MARCHF1: variants seen among roughly 807,000 people sequenced by gnomAD.
MARCHF1 encodes membrane associated ring-CH-type finger 1.
Under a neutral mutation model 54.2 loss-of-function variants are expected in MARCHF1, and 40 were observed. That is an observed-to-expected ratio of 0.74 (90% CI 0.57 to 0.96). The LOEUF (loss-of-function observed/expected upper bound fraction) is 0.96. MARCHF1 is among the 40% of genes least tolerant of loss of function. MARCHF1 has a pLI of 0.00. For synonymous variants in MARCHF1, 236 were observed against 236.3 expected (o/e 1.00, Z 0.01); for missense variants, 586 against 656.5 (o/e 0.89, Z 1.17).
intron 2 of MARCHF1, among the ~76,000 whole-genome samples, chr4:164,056,787 T>A (rs1754499002): frequency 6.6e-6 from 1 of 152,184 alleles, no homozygotes; most frequent in Non-Finnish European, 1.5e-5. Flanking sequence ...TGGTCTTAGC[T>A]AGTGAAGTCT....
intron 5 of MARCHF1, among the ~76,000 whole-genome samples, chr4:163,616,567 T>A (rs1373099535): frequency 6.6e-6 from 1 of 152,068 alleles, no homozygotes; most frequent in Non-Finnish European, 1.5e-5. Flanking sequence ...TATCTCACTC[T>A]CCTTAGGATG....
chr4:163,907,098 C>T (rs1579383084), intron 3 of MARCHF1, among the ~76,000 whole-genome samples: 1 of 151,836 alleles, frequency 6.6e-6, no homozygotes, highest in Non-Finnish European at 1.5e-5. Flanking sequence ...TACAGAAGTC[C>T]TTTTTCCATA....
chr4:163,890,169 C>T (rs569603390), intron 3 of MARCHF1, among the ~76,000 whole-genome samples: 2 of 151,154 alleles, frequency 1.3e-5, no homozygotes, highest in Non-Finnish European at 1.5e-5. Context: ...CTCCTGACCT[C>T]GTGATCCACC....
At chr4:164,133,274 T>A (rs1027902139) in intron 1 of MARCHF1, among the ~76,000 whole-genome samples, 1 of 152,160 alleles carries the variant, frequency 6.6e-6, no homozygotes, top group Non-Finnish European at 1.5e-5. Context: ...CCAGCTGCTC[T>A]AAAGACTGAG....
chr4:163,652,484 G>A (rs954580311), intron 5 of MARCHF1, among the ~76,000 whole-genome samples: 1 of 151,766 alleles, frequency 6.6e-6, no homozygotes, highest in African/African-American at 2.4e-5. Flanking sequence ...GTTTCTGACT[G>A]TGATGTCTCT....
intron 3 of MARCHF1, among the ~76,000 whole-genome samples, chr4:163,877,047 A>T (rs1030639415): frequency 6.6e-6 from 1 of 152,166 alleles, no homozygotes. Flanking sequence ...AGTAGAAAGT[A>T]GTCCCCAAAT....
chr4:164,121,302 C>T (rs966075419), intron 1 of MARCHF1, among the ~76,000 whole-genome samples: 7 of 151,998 alleles, frequency 4.6e-5, no homozygotes, highest in Admixed American at 4.6e-4. Context: ...CCTGTATTCT[C>T]CATTCTCACG....
At chr4:163,530,212 C>T (rs865845555) in intron 9 of MARCHF1, 2 of 151,892 alleles carry the variant, frequency 1.3e-5, no homozygotes, top group African/African-American at 2.4e-5. Context: ...AAAATAACAG[C>T]GTTACCCTGT....
chr4:163,680,048 C>T (rs1318942469), intron 5 of MARCHF1, among the ~76,000 whole-genome samples: 1 of 149,372 alleles, frequency 6.7e-6, no homozygotes, highest in African/African-American at 2.5e-5. Flanking sequence ...AGGCTTTTCA[C>T]ATTGCTTTCC....
At chr4:164,322,976 T>C (rs573178997) in intron 1 of MARCHF1, among the ~76,000 whole-genome samples, 1 of 152,004 alleles carries the variant, frequency 6.6e-6, no homozygotes, top group South Asian at 2.1e-4. Context: ...ATTTAAAAAA[T>C]AGAATAAATT....
rs70948674 is a variant in MARCHF1 at position 163,899,763 on chromosome 4, T to TACACACACACACAC, written c.-38-45608_-38-45595dup. Among the ~76,000 whole-genome samples the TACACACACACACAC allele has an allele frequency of 2.7e-3, 399 of 148,858 alleles. 2 individuals are homozygous for TACACACACACACAC. Among genetic ancestry groups the TACACACACACACAC allele is most frequent in the African/African-American group, 5.5e-3 (225 of 40,548 alleles). ...TTCATAAACTCCCAGTCTCACCCAC[T>TACACACACACACAC]ACACACACACACACACACACACACA... is the stretch of plus-strand genomic sequence containing the variant. On this transcript the variant is annotated intron_variant, in intron 3 of 9. Transcript: ENST00000514618.
chr4:164,367,034 C>T (rs1161918845), intron 1 of MARCHF1, among the ~76,000 whole-genome samples: 1 of 151,996 alleles, frequency 6.6e-6, no homozygotes, highest in East Asian at 1.9e-4. Flanking sequence ...GTCTAGTTAC[C>T]AAACGGAGAA....
At chr4:163,696,223 A>G (rs1301040296) in intron 5 of MARCHF1, among the ~76,000 whole-genome samples, 1 of 152,206 alleles carries the variant, frequency 6.6e-6, no homozygotes, top group African/African-American at 2.4e-5. Flanking sequence ...TGAATAATAT[A>G]TGGTACAAAG....
At chr4:164,285,536 G>T (rs185777975) in intron 1 of MARCHF1, among the ~76,000 whole-genome samples, 3 of 151,868 alleles carry the variant, frequency 2.0e-5, no homozygotes, top group Non-Finnish European at 4.4e-5. Flanking sequence ...TCCGCCTCCC[G>T]AGTTCACGCC....
intron 5 of MARCHF1, among the ~76,000 whole-genome samples, chr4:163,654,546 A>C (rs950728664): frequency 3.3e-5 from 5 of 151,658 alleles, no homozygotes; most frequent in Non-Finnish European, 5.9e-5. Flanking sequence ...TTATTGGTGC[A>C]TACAATTTAA....
chr4:163,987,166 C>T (rs1752885440), intron 3 of MARCHF1, among the ~76,000 whole-genome samples: 1 of 152,184 alleles, frequency 6.6e-6, no homozygotes, highest in South Asian at 2.1e-4. Flanking sequence ...ATTTCCAAGT[C>T]AAAGGAAACA....
chr4:164,197,490 C>G (rs1290898786), intron 1 of MARCHF1: 1 of 1,613,594 alleles, frequency 6.2e-7, no homozygotes, highest in Non-Finnish European at 8.5e-7. Context: ...CTTCCAGGCC[C>G]CCTGAGACTC....
chr4:163,960,723 G>A (rs1752329205), intron 3 of MARCHF1, among the ~76,000 whole-genome samples: 1 of 151,440 alleles, frequency 6.6e-6, no homozygotes, highest in African/African-American at 2.4e-5. Context: ...TAATACCTGG[G>A]CGATGAAATA....
chr4:164,286,504 A>G (rs1006411180), intron 1 of MARCHF1, among the ~76,000 whole-genome samples: 5 of 151,890 alleles, frequency 3.3e-5, no homozygotes, highest in African/African-American at 1.2e-4. Context: ...GTTTCTTCAG[A>G]AAAAAATATA....
Sources: allele counts gnomAD v4.1 joint callset (sites outside exome capture counted in the v4.1 genomes callset), GRCh38; gene constraint gnomAD v4.1.1; transcripts MANE v1.5; gene names NCBI Gene and HGNC (gene_info 2026-07-23, HGNC 2026-07-21).